The following GLIS3 variants were observed in gnomAD, a reference collection of about 807,000 sequenced individuals.
GLIS3 encodes the protein GLIS family zinc finger 3.
In GLIS3, 53 loss-of-function variants were observed where a neutral mutation model predicts 78.6. The ratio of observed to expected loss-of-function variants is 0.67; its 90% CI spans 0.54 to 0.85. The LOEUF is 0.85. Ranked by LOEUF, GLIS3 falls within the 40% of genes least tolerant of loss-of-function variation. The probability of loss-of-function intolerance (pLI) is 0.00; values close to 1 mark genes in which losing one functional copy is unlikely to be tolerated. For synonymous variants in GLIS3, 684 were observed against 509.9 expected (o/e 1.34, Z -4.60); for missense variants, 1,703 against 1,231.1 (o/e 1.38, Z -5.74).
intron 2 of GLIS3, among the ~76,000 whole-genome samples, chr9:4,208,134 G>A (rs1563757531): frequency 1.3e-5 from 2 of 152,164 alleles, no homozygotes; most frequent in Non-Finnish European, 2.9e-5. Flanking sequence ...TCAGTCCCCT[G>A]GGAGAAAAGC....
rs142793516 is a variant in GLIS3, at chr9:3,992,892, G to A, written c.1711-55703C>T. ...ATCATACAACATTTTCTTTAGTTTC[G>A]TTTGAGGTGTATGAAGATTTTCCAC... On this transcript the variant is annotated intron_variant, in intron 4 of 10. Coordinates refer to ENST00000381971, the MANE Select transcript of GLIS3 (RefSeq NM_001042413.2). 9.2e-5 allele frequency among the ~76,000 whole-genome samples: 14 copies of A among 152,188 alleles called. No individual in the cohort carries two copies. In the East Asian group the frequency reaches 1.7e-3, roughly 19 times the overall value.
chr9:4,057,799 A>G (rs962077126), intron 4 of GLIS3, among the ~76,000 whole-genome samples: 23 of 152,182 alleles, frequency 1.5e-4, no homozygotes, highest in Admixed American at 3.9e-4. Flanking sequence ...TTTTAATGCT[A>G]TAAGAGAAAA....
chr9:4,199,879 C>T (rs1057265606), intron 2 of GLIS3, among the ~76,000 whole-genome samples: 23 of 152,270 alleles, frequency 1.5e-4, no homozygotes, highest in African/African-American at 5.3e-4. Flanking sequence ...ACACAAGGAA[C>T]ATACTCCAAA....
At chr9:3,913,750 A>C (rs1185993044) in intron 6 of GLIS3, among the ~76,000 whole-genome samples, 1 of 152,196 alleles carries the variant, frequency 6.6e-6, no homozygotes, top group African/African-American at 2.4e-5. Flanking sequence ...GATTTTCTAC[A>C]TTTTGTAATA....
At chr9:4,140,941 G>A (rs778624744) in intron 2 of GLIS3, among the ~76,000 whole-genome samples, 15 of 152,044 alleles carry the variant, frequency 9.9e-5, no homozygotes, top group Admixed American at 3.9e-4. Flanking sequence ...TGGGATTATC[G>A]GCGCGTGCCA....
At chr9:4,057,963 A>C (rs1826287367) in intron 4 of GLIS3, among the ~76,000 whole-genome samples, 1 of 152,200 alleles carries the variant, frequency 6.6e-6, no homozygotes. Flanking sequence ...AAATATGTAT[A>C]GGTGTTTATC....
At chr9:3,859,220 A>G (rs1157893713) in intron 8 of GLIS3, among the ~76,000 whole-genome samples, 1 of 152,206 alleles carries the variant, frequency 6.6e-6, no homozygotes, top group Non-Finnish European at 1.5e-5. Context: ...ACAAACAAAC[A>G]GAAAACACAC....
Position 4,265,045 on chromosome 9 carries a change from G to A in GLIS3, c.388+20993C>T, listed in dbSNP as rs1056802783. ...AAATTAGCCGGGTGTGGTGGCGGGC[G>A]CCTGTATTCCCAGCTACTCGGGAGG... On this transcript the variant is annotated intron_variant, in intron 2 of 10. Coordinates refer to ENST00000381971, the MANE Select transcript of GLIS3 (RefSeq NM_001042413.2). 3.3e-3 allele frequency among the ~76,000 whole-genome samples: 494 copies of A among 151,654 alleles called. 2 individuals carry two copies. The highest frequency in any genetic ancestry group is 0.011 in the African/African-American group (449 of 41,334).
chr9:4,087,050 G>A (rs769199030), intron 4 of GLIS3, among the ~76,000 whole-genome samples: 2 of 152,130 alleles, frequency 1.3e-5, no homozygotes, highest in South Asian at 2.1e-4. Flanking sequence ...TAACTGAGTT[G>A]GACTGGCCCT....
intron 8 of GLIS3, among the ~76,000 whole-genome samples, chr9:3,879,079 A>G (rs1260242024): frequency 6.6e-6 from 1 of 152,124 alleles, no homozygotes; most frequent in African/African-American, 2.4e-5. Context: ...CGAGGGCACC[A>G]TCTGACATCG....
At chr9:3,993,804 C>A (rs1162781406) in intron 4 of GLIS3, among the ~76,000 whole-genome samples, 2 of 152,220 alleles carry the variant, frequency 1.3e-5, no homozygotes, top group African/African-American at 4.8e-5. Context: ...TATTGGCCTA[C>A]TGTTGTATTA....
intron 4 of GLIS3, among the ~76,000 whole-genome samples, chr9:3,945,817 A>T (rs1028239762): frequency 2.0e-5 from 3 of 152,180 alleles, no homozygotes; most frequent in Admixed American, 1.3e-4. Flanking sequence ...ACAAAATAAA[A>T]AGTAGAAAAA....
the GLIS3 span, among the ~76,000 whole-genome samples, chr9:4,371,652 G>T: frequency 4.7e-4 from 71 of 152,066 alleles, no homozygotes; most frequent in East Asian, 9.9e-3. Flanking sequence ...CCTTTCAACT[G>T]GCCTCTGCCC....
intron 6 of GLIS3, among the ~76,000 whole-genome samples, chr9:3,911,351 T>C (rs1824137504): frequency 1.3e-5 from 2 of 152,234 alleles, no homozygotes; most frequent in Non-Finnish European, 2.9e-5. Flanking sequence ...CCTGGGAGGC[T>C]ACCTTTCTAA....
chr9:4,368,876 G>A, the GLIS3 span, among the ~76,000 whole-genome samples: 4 of 152,174 alleles, frequency 2.6e-5, no homozygotes, highest in Non-Finnish European at 4.4e-5. Flanking sequence ...CTTGAAGCAA[G>A]GTGGCAATTT....
At chr9:3,913,155 A>G (rs1824263919) in intron 6 of GLIS3, among the ~76,000 whole-genome samples, 1 of 152,168 alleles carries the variant, frequency 6.6e-6, no homozygotes, top group South Asian at 2.1e-4. Flanking sequence ...ACTCACTGTA[A>G]AAGTCAGTGG....
rs74763037 is a variant in GLIS3 at position 3,958,568 on chromosome 9, A to T, written c.1711-21379T>A. 8.8e-3 allele frequency among the ~76,000 whole-genome samples: 1,337 copies of T among 152,326 alleles called. 17 individuals are homozygous for T. Among genetic ancestry groups the T allele is most frequent in the African/African-American group, 0.031 (1,274 of 41,558 alleles). On this transcript the variant is annotated intron_variant, in intron 4 of 10. Transcript: ENST00000381971. ...ATTCTTAAGTGCAGGGTCCTGTCTT[A>T]TACTTCATTTAATAAACACGTGTTG...
At chr9:4,364,335 A>G in the GLIS3 span, among the ~76,000 whole-genome samples, 1 of 152,240 alleles carries the variant, frequency 6.6e-6, no homozygotes, top group African/African-American at 2.4e-5. Context: ...TTCTTCAGAA[A>G]CAGTGTATAG....
intron 4 of GLIS3, among the ~76,000 whole-genome samples, chr9:4,002,194 AGTGAC>A (rs893854410): frequency 2.6e-5 from 4 of 152,200 alleles, no homozygotes; most frequent in African/African-American, 9.6e-5. Flanking sequence ...AAGAGGTTGG[AGTGAC>A]ATGAGTAAGA....
Sources: gnomAD v4.1 joint callset for allele counts (sites outside exome capture counted in the v4.1 genomes callset) on GRCh38, gnomAD v4.1.1 for gene constraint, MANE v1.5 for transcripts, NCBI Gene and HGNC (gene_info 2026-07-23, HGNC 2026-07-21) for gene names.